Variants in NEK1 observed in about 807,000 individuals in gnomAD.
NEK1 encodes serine/threonine-protein kinase Nek1.
Under a neutral mutation model 182.1 loss-of-function variants are expected in NEK1, and 137 were observed. The ratio of observed to expected loss-of-function variants is 0.75; its 90% CI spans 0.65 to 0.87. The LOEUF is 0.87. NEK1 is among the 40% of genes least tolerant of loss of function. NEK1 has a pLI of 0.00. For synonymous variants in NEK1, 513 were observed against 492.2 expected, an observed-to-expected ratio of 1.04 and a Z score of -0.56; for missense variants, 1,391 against 1,494.4, an observed-to-expected ratio of 0.93 and a Z score of 1.14.
chr4:169,467,812 T>C (rs1745208459), intron 26 of NEK1, among the ~76,000 whole-genome samples: 1 of 152,030 alleles, frequency 6.6e-6, no homozygotes, highest in Admixed American at 6.6e-5. Flanking sequence ...TTTATTAGAC[T>C]GCAATCCCAT....
intron 26 of NEK1, among the ~76,000 whole-genome samples, chr4:169,476,249 T>C (rs1190260957): frequency 1.3e-5 from 2 of 152,020 alleles, no homozygotes; most frequent in Non-Finnish European, 2.9e-5. Context: ...GGGAGGTGAC[T>C]GGATCATGGG....
At chr4:169,414,943 C>T (rs1457802946) in intron 31 of NEK1, among the ~76,000 whole-genome samples, 2 of 152,186 alleles carry the variant, frequency 1.3e-5, no homozygotes, top group East Asian at 1.9e-4. Flanking sequence ...TAGCTGGCCA[C>T]CTAACCAAAC....
chr4:169,589,303 G>A, intron 7 of NEK1, 144 bp downstream of exon 7: 1 of 639,500 alleles, frequency 1.6e-6, no homozygotes, highest in Non-Finnish European at 2.8e-6. Flanking sequence ...ACCTAATGAT[G>A]CCTTTCTCAG....
At chr4:169,481,658 G>T (rs1405448436) in intron 23 of NEK1, among the ~76,000 whole-genome samples, 1 of 152,124 alleles carries the variant, frequency 6.6e-6, no homozygotes, top group East Asian at 1.9e-4. Context: ...AAACCGTGCT[G>T]TTAACAGATG....
At chr4:169,428,343 A>C (rs1736759283) in intron 29 of NEK1, among the ~76,000 whole-genome samples, 1 of 26,174 alleles carries the variant, frequency 3.8e-5, no homozygotes, top group South Asian at 1.9e-3. Context: ...AATTATAAAA[A>C]TATATGGGAT....
chr4:169,440,145 G>A (rs552414389), intron 27 of NEK1, among the ~76,000 whole-genome samples: 1 of 151,306 alleles, frequency 6.6e-6, no homozygotes, highest in South Asian at 2.1e-4. Flanking sequence ...CACCCGGCTG[G>A]ATAGCTATAC....
chr4:169,395,989 G>A (rs184853097), intron 35 of NEK1, among the ~76,000 whole-genome samples: 70 of 152,178 alleles, frequency 4.6e-4, no homozygotes, highest in African/African-American at 1.0e-3. Context: ...CATTTTAGCC[G>A]ATGTATACAA....
intron 19 of NEK1, among the ~76,000 whole-genome samples, chr4:169,521,846 A>G (rs2149751761): frequency 1.3e-5 from 2 of 152,024 alleles, no homozygotes; most frequent in Admixed American, 1.3e-4. Flanking sequence ...TCTCTCTCCC[A>G]TTTTTCAGAT....
chr4:169,558,617 C>T (rs1000598004), intron 16 of NEK1, among the ~76,000 whole-genome samples: 3 of 152,076 alleles, frequency 2.0e-5, no homozygotes, highest in African/African-American at 7.2e-5. Flanking sequence ...TTTTTACTGC[C>T]AAATGGTATT....
At chr4:169,406,536 T>C in intron 32 of NEK1, 60 bp downstream of exon 32, 1 of 1,308,666 alleles carries the variant, frequency 7.6e-7, no homozygotes, top group Non-Finnish European at 1.0e-6. Context: ...TTATCCCCTC[T>C]TTTTTACATA....
intron 10 of NEK1, among the ~76,000 whole-genome samples, chr4:169,581,799 A>G (rs1322399501): frequency 6.6e-6 from 1 of 152,174 alleles, no homozygotes; most frequent in East Asian, 1.9e-4. Flanking sequence ...GAAATTATCT[A>G]GTAATCTCTC....
At chr4:169,513,645 T>C (rs1754562473) in intron 19 of NEK1, among the ~76,000 whole-genome samples, 1 of 152,208 alleles carries the variant, frequency 6.6e-6, no homozygotes, top group African/African-American at 2.4e-5. Context: ...TGTTCCCTAA[T>C]TGTAGAGGGA....
At chr4:169,465,281 C>T (rs1744712541) in intron 26 of NEK1, among the ~76,000 whole-genome samples, 1 of 151,986 alleles carries the variant, frequency 6.6e-6, no homozygotes, top group Admixed American at 6.6e-5. Flanking sequence ...ACAAACAAAA[C>T]TGGGATAACT....
At chr4:169,501,715 A>G (rs1752451038) in intron 23 of NEK1, among the ~76,000 whole-genome samples, 1 of 152,208 alleles carries the variant, frequency 6.6e-6, no homozygotes, top group South Asian at 2.1e-4. Flanking sequence ...GAAAGTAGAA[A>G]CACTACATAC....
chr4:169,465,991 A>G (rs190076481), intron 26 of NEK1, among the ~76,000 whole-genome samples: 2 of 152,244 alleles, frequency 1.3e-5, no homozygotes, highest in Admixed American at 1.3e-4. Flanking sequence ...AATATTAACT[A>G]TAAAAAAGGA....
In NEK1 at chr4:169,495,239, CTTTTT is replaced by C. The variant is rs774183115; in HGVS notation, c.2007+11793_2007+11797del. Among the ~76,000 whole-genome samples, 574 of 105,422 alleles carry C rather than the reference CTTTTT, an allele frequency of 5.4e-3. 4 individuals are homozygous for C. The highest frequency in any genetic ancestry group is 0.018 in the African/African-American group (529 of 30,120). 69.2% of individuals were successfully genotyped at this position (105,422 alleles called of 152,430 possible). ...ATGGTTTTAGGTCTAACATTTAAGT[CTTTTT>C]TTTTTTTTTTTTTTTTTGAGACGGA... On this transcript the variant is annotated intron_variant, in intron 23 of 35. Transcript: ENST00000507142.
chr4:169,497,341 T>G (rs948384395), intron 23 of NEK1, among the ~76,000 whole-genome samples: 2 of 152,116 alleles, frequency 1.3e-5, no homozygotes, highest in African/African-American at 2.4e-5. Flanking sequence ...TTTGTTGATC[T>G]TTTCAAAAAA....
In NEK1 at chr4:169,411,387, T is replaced by C. The variant is rs186603661; in HGVS notation, c.3223-4640A>G. ...TGCTGCCCAGGCTGGAGTGCAATGA[T>C]GCAATCTCGGCTCACTGCAGCCTCT... On this transcript the variant is annotated intron_variant, in intron 31 of 35. Coordinates refer to ENST00000507142, the MANE Select transcript of NEK1 (RefSeq NM_001199397.3). 3.8e-3 allele frequency among the ~76,000 whole-genome samples: 578 copies of C among 152,190 alleles called. 6 individuals carry two copies. Among genetic ancestry groups the C allele is most frequent in the Non-Finnish European group, 6.1e-3 (412 of 68,008 alleles).
chr4:169,599,168 A>T lies in NEK1; in HGVS notation c.244T>A (p.Tyr82Asn), dbSNP rs1017114230. Reference protein sequence around the residue: ...ENGSLYIVMDYCEGGDLFKRI... With the variant: ...ENGSLYIVMDNCEGGDLFKRI... ...TTAAACAGATCCCCTCCCTCACAGT[A>T]ATCCATTACTATGTAGAGAGAGCCA... Residue 82 changes from tyrosine (Y) to asparagine (N), a missense_variant, in exon 5 of 36, where the codon TAC (tyrosine) becomes AAC (asparagine). Tyr to Asn is a moderately radical substitution (Grantham distance 143). Transcript: ENST00000507142. 1 of 1,613,176 alleles carries T rather than the reference A, an allele frequency of 6.2e-7. No individual in the cohort carries two copies. Among genetic ancestry groups the T allele is most frequent in the Admixed American group, 1.7e-5 (1 of 60,012 alleles).
Sources: gnomAD v4.1 joint callset for allele counts (sites outside exome capture counted in the v4.1 genomes callset) on GRCh38, gnomAD v4.1.1 for gene constraint, MANE v1.5 for transcripts, NCBI Gene and HGNC (gene_info 2026-07-23, HGNC 2026-07-21) for gene names.